MB21D2: variants seen among roughly 807,000 people sequenced by gnomAD.
The protein encoded by MB21D2 is Mab-21 domain containing 2.
MB21D2 carries 9 observed loss-of-function variants against 33.3 expected under a neutral mutation model. The observed-to-expected ratio is 0.27, with a 90% CI of 0.16 to 0.47. MB21D2 has a LOEUF of 0.47. Among genes scored for constraint, MB21D2 ranks in the 20% least tolerant of loss-of-function variants. MB21D2 has a pLI of 0.99. For missense variants in MB21D2, 540 were observed against 624.6 expected (o/e 0.86, Z 1.44); for synonymous variants, 241 against 236.3 (o/e 1.02, Z -0.18).
chr3:192,815,402 A>G (rs1354431343), intron 1 of MB21D2, among the ~76,000 whole-genome samples: 2 of 152,204 alleles, frequency 1.3e-5, no homozygotes, highest in African/African-American at 2.4e-5. Context: ...TTAAAAATGC[A>G]GGTTCCCATG....
At chr3:192,845,401 C>T (rs1045241699) in intron 1 of MB21D2, among the ~76,000 whole-genome samples, 2 of 152,204 alleles carry the variant, frequency 1.3e-5, no homozygotes, top group African/African-American at 2.4e-5. Flanking sequence ...TGGTAGAGAA[C>T]GTTTTGCAGC....
chr3:192,807,801 C>CG (rs1246258306), intron 1 of MB21D2, among the ~76,000 whole-genome samples: 3 of 152,080 alleles, frequency 2.0e-5, no homozygotes, highest in African/African-American at 7.2e-5. Context: ...AAACATACAC[C>CG]ACCCCCACTG....
intron 1 of MB21D2, among the ~76,000 whole-genome samples, chr3:192,819,505 C>T (rs1005033415): frequency 9.9e-5 from 15 of 152,156 alleles, no homozygotes; most frequent in African/African-American, 3.6e-4. Context: ...ACCCCCGCTT[C>T]GACCACTTGG....
intron 1 of MB21D2, among the ~76,000 whole-genome samples, chr3:192,851,224 A>G (rs919875641): frequency 4.6e-5 from 7 of 152,198 alleles, no homozygotes; most frequent in Non-Finnish European, 8.8e-5. Flanking sequence ...CCTTAAAAAC[A>G]TTATGCTAAG....
chr3:192,798,506 G>T lies in MB21D2; in HGVS notation c.1356C>A (p.Asp452Glu), dbSNP rs1290987335. ...GCTGCTGCAGTTTTTTTGCCAAACG[G>T]TCATCAGGCTGGTTGGGGTCCCCTC... The part of the protein sequence containing the change: ...SDGGDPNQPD[D>E]RLAKKLQQLV... Residue 452 changes from aspartate to glutamate, a missense_variant, in exon 2 of 2, where the codon GAC becomes GAA. By Grantham distance (45) the Asp-to-Glu change is conservative. Transcript: ENST00000392452. The surrounding 1 kb of genome is among the most constrained non-coding windows in gnomAD (Gnocchi z 4.8). 6.2e-7 allele frequency: 1 copy of T among 1,614,154 alleles called. No individual in the cohort carries two copies. Among genetic ancestry groups the T allele is most frequent in the South Asian group, 1.1e-5 (1 of 91,076 alleles).
chr3:192,852,314 A>G (rs1712825444), intron 1 of MB21D2, among the ~76,000 whole-genome samples: 1 of 152,246 alleles, frequency 6.6e-6, no homozygotes, highest in Non-Finnish European at 1.5e-5. Context: ...CTGGAAAGAC[A>G]GGTTGTGAGG....
At chr3:192,916,902 G>T (rs1191569850) in intron 1 of MB21D2, among the ~76,000 whole-genome samples, 1 of 152,222 alleles carries the variant, frequency 6.6e-6, no homozygotes, top group African/African-American at 2.4e-5. Flanking sequence ...GCGCTCCTCT[G>T]CGGCCAGAGC....
intron 1 of MB21D2, among the ~76,000 whole-genome samples, chr3:192,857,641 G>C (rs1055841274): frequency 2.0e-5 from 3 of 150,664 alleles, no homozygotes; most frequent in African/African-American, 7.3e-5. Context: ...TTAGGCTAAA[G>C]AGAAAAAAAA....
At chr3:192,812,152 A>G (rs1246914264) in intron 1 of MB21D2, among the ~76,000 whole-genome samples, 1 of 151,878 alleles carries the variant, frequency 6.6e-6, no homozygotes, top group Non-Finnish European at 1.5e-5. Context: ...GGTTCAAGCA[A>G]TTCTCCTGCC....
chr3:192,842,148 G>A (rs1712587337), intron 1 of MB21D2, among the ~76,000 whole-genome samples: 1 of 152,180 alleles, frequency 6.6e-6, no homozygotes, highest in Non-Finnish European at 1.5e-5. Context: ...TCAACCAGGA[G>A]CCTTCTGTAA....
intron 1 of MB21D2, among the ~76,000 whole-genome samples, chr3:192,830,087 A>G (rs1712280082): frequency 6.6e-6 from 1 of 152,132 alleles, no homozygotes. Context: ...CCAGGCCTCA[A>G]GCCATCCTCC....
intron 1 of MB21D2, among the ~76,000 whole-genome samples, chr3:192,866,339 C>A (rs1374193022): frequency 6.6e-6 from 1 of 152,148 alleles, no homozygotes; most frequent in Non-Finnish European, 1.5e-5. Context: ...GGCAAAGTCT[C>A]TTTAATTTGC....
chr3:192,824,628 A>C (rs893345074), intron 1 of MB21D2, among the ~76,000 whole-genome samples: 2 of 152,234 alleles, frequency 1.3e-5, no homozygotes, highest in African/African-American at 4.8e-5. Flanking sequence ...GCTGTTTATA[A>C]AGAGGCGCTT....
intron 1 of MB21D2, among the ~76,000 whole-genome samples, chr3:192,910,203 T>C (rs1714323825): frequency 6.7e-6 from 1 of 148,418 alleles, no homozygotes; most frequent in Non-Finnish European, 1.5e-5. Context: ...TGGTAGCTCA[T>C]GCCTGTAATC....
At chr3:192,814,636 G>A (rs1405591864) in intron 1 of MB21D2, among the ~76,000 whole-genome samples, 1 of 152,138 alleles carries the variant, frequency 6.6e-6, no homozygotes, top group Non-Finnish European at 1.5e-5. Flanking sequence ...GCCAAGGTGG[G>A]CAGATCACGA....
chr3:192,866,062 TA>T (rs879838079), intron 1 of MB21D2, among the ~76,000 whole-genome samples: 40 of 145,956 alleles, frequency 2.7e-4, no homozygotes, highest in African/African-American at 6.3e-4. Flanking sequence ...AATAAATAAA[TA>T]AAAAAAAAAG....
chr3:192,805,763 G>A (rs1008560085), intron 1 of MB21D2, among the ~76,000 whole-genome samples: 54 of 152,268 alleles, frequency 3.5e-4, no homozygotes, highest in African/African-American at 1.3e-3. Flanking sequence ...GTAAGTAAAC[G>A]CATATAAAAA....
intron 1 of MB21D2, among the ~76,000 whole-genome samples, chr3:192,890,700 T>C (rs904978177): frequency 2.0e-5 from 3 of 152,018 alleles, no homozygotes; most frequent in Non-Finnish European, 4.4e-5. Context: ...GTGATTGTGC[T>C]ATCTGGTTAA....
chr3:192,898,826 A>C (rs972656952), intron 1 of MB21D2, among the ~76,000 whole-genome samples: 2 of 152,212 alleles, frequency 1.3e-5, no homozygotes, highest in Admixed American at 6.5e-5. Flanking sequence ...AGGCTGGCCC[A>C]AAAGGCCTCC....
Sources: allele counts gnomAD v4.1 joint callset (sites outside exome capture counted in the v4.1 genomes callset), GRCh38; gene constraint gnomAD v4.1.1; non-coding constraint Gnocchi (gnomAD v3.1); transcripts MANE v1.5; gene names NCBI Gene and HGNC (gene_info 2026-07-23, HGNC 2026-07-21).